KIAA1958: variants seen among roughly 807,000 people sequenced by gnomAD.
The protein encoded by KIAA1958 is KIAA1958.
KIAA1958 carries 14 observed loss-of-function variants against 47.2 expected under a neutral mutation model. That is an observed-to-expected ratio of 0.30 (90% CI 0.20 to 0.46). The LOEUF (loss-of-function observed/expected upper bound fraction) is 0.46, where lower values mean the gene tolerates loss of function less well. Ranked by LOEUF, KIAA1958 falls within the 20% of genes least tolerant of loss-of-function variation. KIAA1958 has a pLI of 1.00. For missense variants in KIAA1958, 803 were observed against 909.2 expected (o/e 0.88, Z 1.50); for synonymous variants, 354 against 353.3 (o/e 1.00, Z -0.02).
intron 1 of KIAA1958, among the ~76,000 whole-genome samples, chr9:112,497,834 A>G (rs1021507147): frequency 2.0e-5 from 3 of 152,176 alleles, no homozygotes; most frequent in African/African-American, 7.2e-5. Context: ...TATTTGTATG[A>G]TTAGATTTGA....
intron 1 of KIAA1958, among the ~76,000 whole-genome samples, chr9:112,539,465 G>A (rs1363395792): frequency 6.6e-6 from 1 of 152,122 alleles, no homozygotes; most frequent in Non-Finnish European, 1.5e-5. Context: ...GAAATGGGTA[G>A]CATAGACCAG....
At chr9:112,539,401 C>T (rs530377097) in intron 1 of KIAA1958, among the ~76,000 whole-genome samples, 7 of 152,298 alleles carry the variant, frequency 4.6e-5, no homozygotes, top group African/African-American at 1.4e-4. Context: ...ACCTTGAAAA[C>T]ATTATGCTAA....
intron 1 of KIAA1958, among the ~76,000 whole-genome samples, chr9:112,517,802 T>C (rs889515623): frequency 5.3e-5 from 8 of 152,150 alleles, no homozygotes; most frequent in African/African-American, 7.2e-5. Flanking sequence ...CAAGAAGATA[T>C]ACAGATGACA....
At chr9:112,529,823 A>G (rs1834721843) in intron 1 of KIAA1958, among the ~76,000 whole-genome samples, 2 of 142,468 alleles carry the variant, frequency 1.4e-5, no homozygotes, top group Non-Finnish European at 3.0e-5. Flanking sequence ...TGAAGGGACC[A>G]GAAGTTAGAC....
At chr9:112,637,979 T>C (rs2131236490) in intron 2 of KIAA1958, among the ~76,000 whole-genome samples, 1 of 152,166 alleles carries the variant, frequency 6.6e-6, no homozygotes, top group East Asian at 1.9e-4. Flanking sequence ...CGAAACCTCG[T>C]CTCTAATAAA....
chr9:112,560,198 CTTTTTTTTTCT>C (rs920816387), intron 1 of KIAA1958, among the ~76,000 whole-genome samples: 1 of 108,664 alleles, frequency 9.2e-6, no homozygotes, highest in Non-Finnish European at 1.9e-5. Context: ...TTTTCTTTTT[CTTTTTTTTTCT>C]TTTTTTGAAG....
chr9:112,660,209 C>A lies in KIAA1958; in HGVS notation c.*140C>A. The A allele has an allele frequency of 1.5e-6, 1 of 657,072 alleles. No individual in the cohort carries two copies. The highest frequency in any genetic ancestry group is 1.9e-5 in the South Asian group (1 of 53,656). 40.7% of individuals were successfully genotyped at this position (657,072 alleles called of 1,614,324 possible). The stretch of plus-strand genomic sequence containing the variant: ...CTCTCCCCTGGTGTGGCCTGCCCTC[C>A]CTTTGACTTGGGGTTTGCTTTTTAA... On this transcript the variant is annotated 3_prime_UTR_variant, in exon 4 of 4. Transcript: ENST00000337530.
At chr9:112,497,966 G>A (rs1784949308) in intron 1 of KIAA1958, among the ~76,000 whole-genome samples, 1 of 152,170 alleles carries the variant, frequency 6.6e-6, no homozygotes, top group African/African-American at 2.4e-5. Flanking sequence ...GATCAAAGGG[G>A]ACAAATACCT....
chr9:112,518,846 A>T (rs1396527639), intron 1 of KIAA1958, among the ~76,000 whole-genome samples: 4 of 152,066 alleles, frequency 2.6e-5, no homozygotes, highest in African/African-American at 9.7e-5. Flanking sequence ...TAGAAACCAA[A>T]TAAACATTTG....
chr9:112,528,494 C>A (rs533229155), intron 1 of KIAA1958, among the ~76,000 whole-genome samples: 9 of 152,072 alleles, frequency 5.9e-5, no homozygotes, highest in African/African-American at 2.2e-4. Flanking sequence ...CACCTTCCTC[C>A]CTCACAATTG....
chr9:112,656,768 A>G lies in KIAA1958; in HGVS notation c.1345-2495A>G, dbSNP rs1371608135. 5.3e-5 allele frequency among the ~76,000 whole-genome samples: 8 copies of G among 152,322 alleles called. No individual in the cohort carries two copies. The South Asian group carries it at 1.2e-3, about 24-fold the overall frequency. On this transcript the variant is annotated intron_variant, in intron 3 of 3. Transcript: ENST00000337530. ...CAATCATTTCACACTCTTTGGGGCT[A>G]TTGAGATCCTTTACCTTTTATTGAA...
intron 1 of KIAA1958, among the ~76,000 whole-genome samples, chr9:112,573,579 C>T (rs565378616): frequency 6.6e-6 from 1 of 152,304 alleles, no homozygotes; most frequent in East Asian, 1.9e-4. Context: ...GGATCTAAAC[C>T]TCCTTTGTTG....
intron 3 of KIAA1958, among the ~76,000 whole-genome samples, chr9:112,646,135 G>A (rs999166545): frequency 1.3e-5 from 2 of 151,594 alleles, no homozygotes; most frequent in African/African-American, 4.9e-5. Context: ...AATTAGATGA[G>A]GACGGGAGCC....
intron 3 of KIAA1958, among the ~76,000 whole-genome samples, chr9:112,656,465 A>ATCTGTG (rs1162506199): frequency 1.3e-5 from 2 of 151,770 alleles, no homozygotes; most frequent in Non-Finnish European, 2.9e-5. Flanking sequence ...ATGAACTGGA[A>ATCTGTG]TCTGTGTGTC....
chr9:112,621,486 G>C (rs949343842), intron 2 of KIAA1958, among the ~76,000 whole-genome samples: 5 of 152,172 alleles, frequency 3.3e-5, no homozygotes, highest in African/African-American at 1.2e-4. Context: ...TAGTCAGTAT[G>C]CACTGTGAAA....
In KIAA1958 at chr9:112,546,130, A is replaced by C. The variant is rs150664258; in HGVS notation, c.-24-27927A>C. ...GTCATAAAGACCCCACTGAGAAAAC[A>C]GGATGAGGTAAAGAATCTGGCCAAA... On this transcript the variant is annotated intron_variant, in intron 1 of 3. Coordinates refer to ENST00000337530, the MANE Select transcript of KIAA1958 (RefSeq NM_133465.4). Among the ~76,000 whole-genome samples, 780 of 152,272 alleles carry C rather than the reference A, an allele frequency of 5.1e-3. 10 individuals are homozygous for C. The highest frequency in any genetic ancestry group is 0.017 in the African/African-American group (705 of 41,548).
intron 1 of KIAA1958, among the ~76,000 whole-genome samples, chr9:112,556,586 C>T (rs1445563376): frequency 1.3e-5 from 2 of 152,232 alleles, no homozygotes; most frequent in African/African-American, 4.8e-5. Flanking sequence ...CTTCCTGTCT[C>T]AGCCTCCCAA....
intron 1 of KIAA1958, among the ~76,000 whole-genome samples, chr9:112,570,850 A>G (rs1835520561): frequency 6.6e-6 from 1 of 152,236 alleles, no homozygotes; most frequent in African/African-American, 2.4e-5. Flanking sequence ...ATAGTGGTTC[A>G]GTCCAAATCC....
At chr9:112,621,854 A>G (rs1335422880) in intron 2 of KIAA1958, among the ~76,000 whole-genome samples, 2 of 152,020 alleles carry the variant, frequency 1.3e-5, no homozygotes, top group Non-Finnish European at 2.9e-5. Flanking sequence ...GGCTCAAGAG[A>G]TCCTCCCACC....
Sources: gnomAD v4.1 joint callset for allele counts (sites outside exome capture counted in the v4.1 genomes callset) on GRCh38, gnomAD v4.1.1 for gene constraint, MANE v1.5 for transcripts, NCBI Gene and HGNC (gene_info 2026-07-23, HGNC 2026-07-21) for gene names.